Variants in FNIP2 observed in about 807,000 individuals in gnomAD.
FNIP2 encodes the protein folliculin-interacting protein 2.
Under a neutral mutation model 108.7 loss-of-function variants are expected in FNIP2, and 32 were observed. That is an observed-to-expected ratio of 0.29 (90% CI 0.22 to 0.40). The LOEUF (loss-of-function observed/expected upper bound fraction) is 0.40, where lower values mean the gene tolerates loss of function less well. Ranked by LOEUF, FNIP2 falls within the 10% of genes least tolerant of loss-of-function variation. The pLI, the probability that FNIP2 is intolerant of heterozygous loss-of-function variation, is 1.00. For synonymous variants in FNIP2, 480 were observed against 496.7 expected (o/e 0.97, Z 0.45); for missense variants, 1,202 against 1,381.6 (o/e 0.87, Z 2.06).
At chr4:158,860,269 A>G (rs775245834) in intron 10 of FNIP2, among the ~76,000 whole-genome samples, 16 of 152,234 alleles carry the variant, frequency 1.1e-4, no homozygotes, top group Non-Finnish European at 2.1e-4. Context: ...CCCACTCCAA[A>G]GCAGTCATGA....
chr4:158,800,383 T>C (rs1461081913), intron 1 of FNIP2, among the ~76,000 whole-genome samples: 1 of 152,218 alleles, frequency 6.6e-6, no homozygotes, highest in Non-Finnish European at 1.5e-5. Context: ...TTTATAAATA[T>C]TAATGATAGC....
chr4:158,886,557 A>T (rs558129707), intron 14 of FNIP2, among the ~76,000 whole-genome samples: 8 of 152,198 alleles, frequency 5.3e-5, no homozygotes, highest in Non-Finnish European at 8.8e-5. Flanking sequence ...GAGGGTGGCG[A>T]TAGGGCAGTG....
intron 1 of FNIP2, among the ~76,000 whole-genome samples, chr4:158,818,218 T>C (rs1026016289): frequency 2.6e-5 from 4 of 152,274 alleles, no homozygotes; most frequent in East Asian, 1.9e-4. Flanking sequence ...TAAAGACTTA[T>C]GTGGTTTTAA....
intron 14 of FNIP2, among the ~76,000 whole-genome samples, chr4:158,875,283 C>T (rs777726546): frequency 6.6e-6 from 1 of 151,908 alleles, no homozygotes; most frequent in African/African-American, 2.4e-5. Context: ...ACAGCTCTAA[C>T]TCTGCAGGGC....
At chr4:158,820,368 C>G (rs953021531) in intron 1 of FNIP2, among the ~76,000 whole-genome samples, 9 of 152,174 alleles carry the variant, frequency 5.9e-5, no homozygotes, top group Admixed American at 2.0e-4. Context: ...GAACTGGTCT[C>G]AAAGGATATA....
chr4:158,826,326 G>A (rs1778155537), intron 2 of FNIP2, among the ~76,000 whole-genome samples: 1 of 152,182 alleles, frequency 6.6e-6, no homozygotes, highest in African/African-American at 2.4e-5. Context: ...CTGGTGAGTT[G>A]CAATCCAGTA....
intron 14 of FNIP2, among the ~76,000 whole-genome samples, chr4:158,885,992 C>G (rs991033469): frequency 6.6e-6 from 1 of 152,194 alleles, no homozygotes; most frequent in Non-Finnish European, 1.5e-5. Context: ...GTGCGGCAAT[C>G]TGACCTAAAA....
chr4:158,773,025 C>G (rs570760308), intron 1 of FNIP2, among the ~76,000 whole-genome samples: 2 of 152,254 alleles, frequency 1.3e-5, no homozygotes, highest in South Asian at 4.1e-4. Context: ...AGAAGTGCTT[C>G]CTCCGCTCCC....
At chr4:158,882,407 C>G (rs1260638205) in intron 14 of FNIP2, among the ~76,000 whole-genome samples, 2 of 149,958 alleles carry the variant, frequency 1.3e-5, no homozygotes, top group African/African-American at 4.9e-5. Flanking sequence ...GGCCACCACC[C>G]CGTCCGGGAG....
At chr4:158,777,606 T>G (rs1775901832) in intron 1 of FNIP2, among the ~76,000 whole-genome samples, 1 of 152,080 alleles carries the variant, frequency 6.6e-6, no homozygotes. Flanking sequence ...GTACATTGAG[T>G]AAGTTAGTTG....
At chr4:158,871,892 T>C (rs1237970509) in intron 14 of FNIP2, 7 of 985,352 alleles carry the variant, frequency 7.1e-6, no homozygotes, top group Non-Finnish European at 8.4e-6. Flanking sequence ...TGTCTGATGC[T>C]TTGGCAATTT....
chr4:158,826,101 C>T lies in FNIP2; in HGVS notation c.234+59C>T, dbSNP rs182504324. On this transcript the variant is annotated intron_variant, in intron 2 of 16. Coordinates refer to ENST00000264433, the MANE Select transcript of FNIP2 (RefSeq NM_020840.3). ...TTGTGCTTTTAACCACCCTTCTGAT[C>T]AATCATTTATTAATCTATCATCTTC... 6.7e-5 allele frequency: 105 copies of T among 1,560,050 alleles called. 1 individual carries two copies. Among genetic ancestry groups the T allele is most frequent in the East Asian group, 4.0e-4 (17 of 42,240 alleles).
intron 1 of FNIP2, among the ~76,000 whole-genome samples, chr4:158,821,972 C>T (rs1261120906): frequency 6.6e-6 from 1 of 152,008 alleles, no homozygotes; most frequent in African/African-American, 2.4e-5. Flanking sequence ...TGCCTGTAGT[C>T]CCAGCTACTT....
Position 158,774,446 on chromosome 4 carries a change from CTG to C in FNIP2, c.107+5130_107+5131del, listed in dbSNP as rs147930951. Among the ~76,000 whole-genome samples the C allele has an allele frequency of 1.2e-3, 188 of 152,204 alleles. 1 individual carries two copies. The highest frequency in any genetic ancestry group is 4.4e-3 in the African/African-American group (181 of 41,520). On this transcript the variant is annotated intron_variant, in intron 1 of 16. Transcript: ENST00000264433. The stretch of plus-strand genomic sequence containing the variant: ...TAAATAGCATTTAGCATATTCTACA[CTG>C]TGAGGGAATAGAGTAAGGATAATGT...
At chr4:158,799,152 G>A (rs1176408592) in intron 1 of FNIP2, among the ~76,000 whole-genome samples, 2 of 152,324 alleles carry the variant, frequency 1.3e-5, no homozygotes. Flanking sequence ...GGGCATGTGA[G>A]CTGCTGCTTC....
chr4:158,771,964 A>G (rs1378164917), intron 1 of FNIP2, among the ~76,000 whole-genome samples: 1 of 152,180 alleles, frequency 6.6e-6, no homozygotes, highest in African/African-American at 2.4e-5. Context: ...GTTGTCCAAT[A>G]TAACTAGTTT....
chr4:158,854,625 A>G (rs1455031023), intron 8 of FNIP2, among the ~76,000 whole-genome samples: 6 of 152,388 alleles, frequency 3.9e-5, no homozygotes, highest in Admixed American at 3.3e-4. Context: ...TCAAAGTTTC[A>G]CATGACATGG....
chr4:158,783,557 T>C (rs1776120426), intron 1 of FNIP2, among the ~76,000 whole-genome samples: 2 of 152,262 alleles, frequency 1.3e-5, no homozygotes, highest in Non-Finnish European at 2.9e-5. Flanking sequence ...ATTTGGCATG[T>C]GGATCTAGAC....
At chr4:158,901,482 C>T (rs1469442731) in intron 16 of FNIP2, among the ~76,000 whole-genome samples, 3 of 151,986 alleles carry the variant, frequency 2.0e-5, no homozygotes, top group African/African-American at 4.8e-5. Flanking sequence ...TTGCTCTTCT[C>T]GAGGAGTATC....
Sources: allele counts gnomAD v4.1 joint callset (sites outside exome capture counted in the v4.1 genomes callset), GRCh38; gene constraint gnomAD v4.1.1; transcripts MANE v1.5; gene names NCBI Gene and HGNC (gene_info 2026-07-23, HGNC 2026-07-21).